The following CFAP299 variants were observed in gnomAD, a reference collection of about 807,000 sequenced individuals.
CFAP299 encodes the protein cilia and flagella associated protein 299, also known as cilia- and flagella-associated protein 299.
A neutral mutation model predicts 27.0 loss-of-function variants in CFAP299; 21 were observed. The ratio of observed to expected loss-of-function variants is 0.78; its 90% CI spans 0.55 to 1.12. The LOEUF (loss-of-function observed/expected upper bound fraction) is 1.12. Ranked by LOEUF, CFAP299 falls within the 50% of genes most tolerant of loss-of-function variation. The pLI is 0.00. For synonymous variants in CFAP299, 104 were observed against 98.1 expected (o/e 1.06, Z -0.36); for missense variants, 310 against 276.6 (o/e 1.12, Z -0.86).
chr4:80,540,217 T>C (rs1733934364), intron 2 of CFAP299, among the ~76,000 whole-genome samples: 1 of 152,238 alleles, frequency 6.6e-6, no homozygotes, highest in Non-Finnish European at 1.5e-5. Context: ...GTAGATTCTG[T>C]TGTTTAAGAA....
chr4:80,469,476 A>G (rs1729876485), intron 2 of CFAP299, among the ~76,000 whole-genome samples: 1 of 152,208 alleles, frequency 6.6e-6, no homozygotes, highest in Admixed American at 6.5e-5. Context: ...ATGTAATTCA[A>G]ATGATATTTT....
chr4:80,816,155 T>C (rs1729411080), intron 3 of CFAP299, among the ~76,000 whole-genome samples: 1 of 152,034 alleles, frequency 6.6e-6, no homozygotes, highest in Non-Finnish European at 1.5e-5. Context: ...AAAAAACAGA[T>C]ACCCTCTTTG....
At chr4:80,574,912 G>A (rs745943060) in intron 2 of CFAP299, among the ~76,000 whole-genome samples, 2 of 152,066 alleles carry the variant, frequency 1.3e-5, no homozygotes, top group Admixed American at 6.6e-5. Flanking sequence ...ATATTGGCCT[G>A]TAGTTTTCTT....
intron 4 of CFAP299, among the ~76,000 whole-genome samples, chr4:80,937,285 A>G (rs1010488328): frequency 5.4e-5 from 4 of 74,532 alleles, no homozygotes; most frequent in African/African-American, 2.2e-4. Flanking sequence ...ATAGAATATC[A>G]TTTTTCTTTT....
intron 5 of CFAP299, among the ~76,000 whole-genome samples, chr4:80,950,260 C>CG (rs1453344705): frequency 2.0e-5 from 3 of 151,666 alleles, no homozygotes; most frequent in Non-Finnish European, 4.4e-5. Flanking sequence ...TCCACCCCCC[C>CG]CCTTTCTCAT....
chr4:80,912,789 A>T (rs1735544890), intron 4 of CFAP299, among the ~76,000 whole-genome samples: 1 of 152,138 alleles, frequency 6.6e-6, no homozygotes, highest in African/African-American at 2.4e-5. Flanking sequence ...AATAGGAGTG[A>T]TCCACTGGCC....
chr4:80,569,202 T>C (rs1469716296), intron 2 of CFAP299, among the ~76,000 whole-genome samples: 1 of 152,132 alleles, frequency 6.6e-6, no homozygotes, highest in African/African-American at 2.4e-5. Context: ...TTAAGCTCTT[T>C]CAGTGTTTCA....
chr4:80,502,139 G>A (rs966499181), intron 2 of CFAP299, among the ~76,000 whole-genome samples: 14 of 152,040 alleles, frequency 9.2e-5, no homozygotes, highest in African/African-American at 3.4e-4. Flanking sequence ...CAAGACCACT[G>A]TGGATCAGAA....
At chr4:80,502,786 T>C (rs1290645176) in intron 2 of CFAP299, among the ~76,000 whole-genome samples, 3 of 152,138 alleles carry the variant, frequency 2.0e-5, no homozygotes, top group Non-Finnish European at 4.4e-5. Flanking sequence ...TCTTGGTTTA[T>C]CTCATTTATT....
At chr4:80,562,910 CA>C (rs1194127352) in intron 2 of CFAP299, among the ~76,000 whole-genome samples, 1 of 151,332 alleles carries the variant, frequency 6.6e-6, no homozygotes, top group Non-Finnish European at 1.5e-5. Flanking sequence ...TTATATCAGA[CA>C]AAAAAATGTT....
At chr4:80,531,020 C>A (rs1196553714) in intron 2 of CFAP299, among the ~76,000 whole-genome samples, 1 of 151,948 alleles carries the variant, frequency 6.6e-6, no homozygotes, top group Non-Finnish European at 1.5e-5. Context: ...TGGTTTTAAG[C>A]AGAGAAAAAA....
At chr4:80,544,154 C>A (rs1734126214) in intron 2 of CFAP299, among the ~76,000 whole-genome samples, 1 of 152,064 alleles carries the variant, frequency 6.6e-6, no homozygotes, top group Non-Finnish European at 1.5e-5. Flanking sequence ...CAAGCAAATG[C>A]CAAGGGAATT....
chr4:80,836,008 C>G (rs546679463), intron 3 of CFAP299, among the ~76,000 whole-genome samples: 2 of 152,284 alleles, frequency 1.3e-5, no homozygotes, highest in East Asian at 3.9e-4. Flanking sequence ...ATTTTCTCCT[C>G]TTACTTTTCC....
chr4:80,390,925 GTATATA>G (rs1725428008), intron 2 of CFAP299, among the ~76,000 whole-genome samples: 2 of 30,024 alleles, frequency 6.7e-5, no homozygotes, highest in Admixed American at 4.7e-4. Flanking sequence ...ACACACATAT[GTATATA>G]TGTATATATG....
chr4:80,846,731 G>A (rs1731204346), intron 3 of CFAP299, among the ~76,000 whole-genome samples: 1 of 152,070 alleles, frequency 6.6e-6, no homozygotes, highest in Non-Finnish European at 1.5e-5. Flanking sequence ...CATATCCTCT[G>A]TTGTTTGTCT....
chr4:80,649,701 T>C (rs1740193598), intron 3 of CFAP299, among the ~76,000 whole-genome samples: 1 of 152,132 alleles, frequency 6.6e-6, no homozygotes. Flanking sequence ...AACTGTGTCA[T>C]TCCTAAATAA....
chr4:80,950,132 AAAAG>A (rs1448351746), intron 5 of CFAP299, among the ~76,000 whole-genome samples: 1 of 152,136 alleles, frequency 6.6e-6, no homozygotes, highest in Non-Finnish European at 1.5e-5. Context: ...CAGTACTCAG[AAAAG>A]AAAGAGAGGG....
intron 5 of CFAP299, among the ~76,000 whole-genome samples, chr4:80,953,020 G>A (rs1180068355): frequency 3.9e-5 from 6 of 152,090 alleles, no homozygotes; most frequent in Non-Finnish European, 8.8e-5. Flanking sequence ...CTTCAGTGAA[G>A]GTCCTCAGTT....
chr4:80,684,285 G>GA (rs1002310047), intron 3 of CFAP299, among the ~76,000 whole-genome samples: 11 of 132,190 alleles, frequency 8.3e-5, no homozygotes, highest in Non-Finnish European at 1.1e-4. Context: ...GGGGGGGGGG[G>GA]ACGGAGCCTC....
Sources: allele counts gnomAD v4.1 joint callset (sites outside exome capture counted in the v4.1 genomes callset), GRCh38; gene constraint gnomAD v4.1.1; transcripts MANE v1.5; gene names NCBI Gene and HGNC (gene_info 2026-07-23, HGNC 2026-07-21).